MYO7B: variants seen among roughly 807,000 people sequenced by gnomAD.
MYO7B encodes the protein myosin VIIB.
MYO7B carries 212 observed loss-of-function variants against 259.7 expected under a neutral mutation model. The observed-to-expected ratio is 0.82, with a 90% CI of 0.73 to 0.91. MYO7B has a LOEUF of 0.91. Ranked by LOEUF, MYO7B falls within the 40% of genes least tolerant of loss-of-function variation. The probability of loss-of-function intolerance (pLI) is 0.00; values close to 1 mark genes in which losing one functional copy is unlikely to be tolerated. For missense variants in MYO7B, 2,732 were observed against 2,813.5 expected (o/e 0.97, Z 0.66); for synonymous variants, 1,197 against 1,166.4 (o/e 1.03, Z -0.54).
At chr2:127,552,609 T>C (rs1351764978) in intron 1 of MYO7B, among the ~76,000 whole-genome samples, 1 of 152,136 alleles carries the variant, frequency 6.6e-6, no homozygotes, top group Non-Finnish European at 1.5e-5. Context: ...ACATGGGGTC[T>C]CCTGTGAGGC....
chr2:127,567,091 G>T (rs2104876328), intron 5 of MYO7B, among the ~76,000 whole-genome samples: 1 of 152,258 alleles, frequency 6.6e-6, no homozygotes, highest in African/African-American at 2.4e-5. Flanking sequence ...GAAGGAAGTT[G>T]GGCTGGGTTC....
At chr2:127,622,221 TCTC>T in intron 28 of MYO7B, 120 bp downstream of exon 28, 1 of 1,349,994 alleles carries the variant, frequency 7.4e-7, no homozygotes, top group East Asian at 2.5e-5. Context: ...AGCCCCGCCA[TCTC>T]CTCTGCAGTA....
rs916086500 is a variant in MYO7B at position 127,624,085 on chromosome 2, G to A, written c.3820-8G>A. ...CCGCTAACCCCTGCTCCCCGACTCT[G>A]GCCTCAGTTCTGGTCCCTGGGCAGC... On this transcript the variant is annotated splice_polypyrimidine_tract_variant and splice_region_variant and intron_variant, in intron 29 of 47. Coordinates refer to ENST00000409816, the MANE Select transcript of MYO7B (RefSeq NM_001393586.1). 2 of 1,553,966 alleles carry A rather than the reference G, an allele frequency of 1.3e-6. No homozygotes were observed. Among genetic ancestry groups the A allele is most frequent in the Non-Finnish European group, 1.7e-6 (2 of 1,148,712 alleles).
At chr2:127,634,890 C>T in intron 42 of MYO7B, 2 of 648,100 alleles carry the variant, frequency 3.1e-6, no homozygotes, top group Admixed American at 5.2e-5. Context: ...TGAAGGATGC[C>T]CCAGGGCTGA....
intron 41 of MYO7B, 105 bp downstream of exon 41, chr2:127,634,394 C>A: frequency 2.0e-6 from 2 of 990,822 alleles, no homozygotes; most frequent in Non-Finnish European, 3.0e-6. Flanking sequence ...CCATGCTGGA[C>A]CAGGCTGCAC....
At position 127,630,825 on chromosome 2, in the gene MYO7B, G is replaced by A; in HGVS notation, c.4854G>A (p.Glu1618=). Residue 1618 remains glutamate, a synonymous_variant, in exon 36 of 48, where the codon GAG becomes GAA. Transcript: ENST00000409816. ...AGAAGAGGAAGCTGGCGGCTCAGGA[G>A]GGGCAGTTCACAGAGCCACGTCCTG... ...SPEKRKLAAQ[E]GQFTEPRPEE... 6.2e-7 allele frequency: 1 copy of A among 1,613,056 alleles called. No individual in the cohort carries two copies. The highest frequency in any genetic ancestry group is 1.1e-5 in the South Asian group (1 of 91,074).
At position 127,628,947 on chromosome 2, in the gene MYO7B, G is replaced by A. The variant is rs1681309221; in HGVS notation, c.4624+412G>A. Among the ~76,000 whole-genome samples, 2 of 152,244 alleles carry A rather than the reference G, an allele frequency of 1.3e-5. No homozygotes were observed. The highest frequency in any genetic ancestry group is 2.4e-5 in the African/African-American group (1 of 41,466). ...GAAGTAGCTCACCCAGGGTCACACA[G>A]CTCAAGGGGGTGGGAGCCTAGTTCT... On this transcript the variant is annotated intron_variant, in intron 34 of 47. Transcript: ENST00000409816. This position sits in a 1 kb window ranked among gnomAD's most constrained non-coding sequence, Gnocchi z 4.8.
In MYO7B at chr2:127,629,700, G is replaced by C; in HGVS notation, c.4680G>C (p.Lys1560Asn). Reference sequence around the variant, plus strand: ...GGGACCTGTTGGTCCTCACAAAGAAGCAGGGGCTGCTGGCCTCTGAGAACT... The same window carrying C: ...GGGACCTGTTGGTCCTCACAAAGAACCAGGGGCTGCTGGCCTCTGAGAACT... ...KKGDLLVLTK[K>N]QGLLASENWT... is the part of the protein sequence containing the mutation. Residue 1560 changes from lysine (K) to asparagine (N), a missense_variant, in exon 35 of 48, where the codon AAG (lysine) becomes AAC (asparagine). Transcript: ENST00000409816. The C allele has an allele frequency of 6.2e-7, 1 of 1,612,504 alleles. No homozygotes were observed. Among genetic ancestry groups the C allele is most frequent in the Non-Finnish European group, 8.5e-7 (1 of 1,179,512 alleles).
chr2:127,627,965 C>T lies in MYO7B; in HGVS notation c.4461-407C>T, dbSNP rs1417241749. 4.3e-6 allele frequency: 2 copies of T among 464,490 alleles called. No individual in the cohort carries two copies. The highest frequency in any genetic ancestry group is 1.5e-5 in the South Asian group (1 of 64,650). The allele number at this position is 464,490 out of a possible 1,614,324, so 28.8% of individuals were successfully genotyped here. The stretch of plus-strand genomic sequence containing the variant: ...ATGCTGGGCACTTTCCTGTATGCCA[C>T]GAAGTACCGACAGCATCACCCATTC... On this transcript the variant is annotated intron_variant, in intron 33 of 47. Transcript: ENST00000409816. This position sits in a 1 kb window ranked among gnomAD's most constrained non-coding sequence, Gnocchi z 5.6.
chr2:127,566,818 G>A lies in MYO7B; in HGVS notation c.461G>A (p.Cys154Tyr). 1 of 1,609,346 alleles carries A rather than the reference G, an allele frequency of 6.2e-7. No individual in the cohort carries two copies. The highest frequency in any genetic ancestry group is 8.5e-7 in the Non-Finnish European group (1 of 1,179,378). ...SMKRNKRDQCCIISGESGAGK... is the reference protein window; with the variant it reads ...SMKRNKRDQCYIISGESGAGK... ...AAGAGGAACAAGAGGGACCAGTGCT[G>A]CATCATCAGGTGAGGCAGAGGGGTC... Residue 154 changes from cysteine (C) to tyrosine (Y), a missense_variant, in exon 5 of 48, where the codon TGC becomes TAC. Around this residue, in one of 3 missense-constraint regions of MYO7B, gnomAD observed 1,906 missense variants for 2,026.4 expected, o/e 0.94. Transcript: ENST00000409816.
chr2:127,607,200 C>T lies in MYO7B; in HGVS notation c.2425-6C>T. Reference sequence around the variant, plus strand: ...CCCTGATCTCACCTCTCTCTTGCCTCCGCAGATCCTCGTGGGCTTTGAGCG... The same window carrying T: ...CCCTGATCTCACCTCTCTCTTGCCTTCGCAGATCCTCGTGGGCTTTGAGCG... On this transcript the variant is annotated splice_polypyrimidine_tract_variant and splice_region_variant and intron_variant, in intron 20 of 47. Transcript: ENST00000409816. The surrounding 1 kb of genome is among the most constrained non-coding windows in gnomAD (Gnocchi z 4.4). The T allele has an allele frequency of 5.2e-6, 8 of 1,546,144 alleles. No homozygotes were observed. The highest frequency in any genetic ancestry group is 6.1e-6 in the Non-Finnish European group (7 of 1,144,782).
chr2:127,633,496 T>G, intron 40 of MYO7B, 133 bp downstream of exon 40: 1 of 823,212 alleles, frequency 1.2e-6, no homozygotes, highest in Non-Finnish European at 1.9e-6. Context: ...CTAACCAGTC[T>G]CCCGCCCTCT....
rs546177764 is a variant in MYO7B, at chr2:127,577,406, C to T, written c.849+698C>T. Among the ~76,000 whole-genome samples the T allele has an allele frequency of 2.6e-5, 4 of 152,342 alleles. No homozygotes were observed. Among genetic ancestry groups the T allele is most frequent in the South Asian group, 4.1e-4 (2 of 4,828 alleles). ...CACTCTTCCTGTAGGAAGGTTTGCA[C>T]TGTAGTGTCATGCTTTGGATGGCAC... On this transcript the variant is annotated intron_variant, in intron 8 of 47. Transcript: ENST00000409816. The surrounding 1 kb of genome is among the most constrained non-coding windows in gnomAD (Gnocchi z 5.2).
In MYO7B at chr2:127,634,846, T is replaced by G. The variant is rs1681713051; in HGVS notation, c.5713+163T>G. 5.6e-6 allele frequency: 4 copies of G among 711,280 alleles called. No individual in the cohort carries two copies. The East Asian group carries it at 1.1e-4, about 19-fold the overall frequency. The allele number at this position is 711,280 out of a possible 1,614,324, so 44.1% of individuals were successfully genotyped here. ...CTGGGGCCCGGCGGTGAGGGCCAGCTCAGGCAGAAACAGGTGGCTGCACCT... is the reference window on the plus strand; with the variant it reads ...CTGGGGCCCGGCGGTGAGGGCCAGCGCAGGCAGAAACAGGTGGCTGCACCT... On this transcript the variant is annotated intron_variant, in intron 42 of 47. Transcript: ENST00000409816.
intron 10 of MYO7B, among the ~76,000 whole-genome samples, chr2:127,581,560 ACT>A (rs1484754847): frequency 3.9e-5 from 6 of 151,982 alleles, no homozygotes; most frequent in Non-Finnish European, 8.8e-5. Context: ...GCTCCTTTAG[ACT>A]CTCAGCCTTC....
intron 1 of MYO7B, among the ~76,000 whole-genome samples, chr2:127,541,714 G>A (rs1369483182): frequency 6.6e-6 from 1 of 152,196 alleles, no homozygotes; most frequent in Non-Finnish European, 1.5e-5. Context: ...AGGATAGGCA[G>A]GGTCTTTGCC....
intron 27 of MYO7B, among the ~76,000 whole-genome samples, chr2:127,621,651 T>C (rs888173288): frequency 1.1e-4 from 16 of 152,190 alleles, no homozygotes; most frequent in African/African-American, 3.9e-4. Flanking sequence ...CAGAAGGCAC[T>C]GGGGTTGGGG....
At chr2:127,580,570 T>A (rs200316003) in intron 9 of MYO7B, among the ~76,000 whole-genome samples, 176 bp from the exon 10 acceptor site, 1 of 152,318 alleles carries the variant, frequency 6.6e-6, no homozygotes, top group Non-Finnish European at 1.5e-5. Flanking sequence ...GAATGACCCA[T>A]GGTCATGGGG....
Position 127,625,401 on chromosome 2 carries a change from T to C in MYO7B, c.4081T>C (p.Cys1361Arg), listed in dbSNP as rs1681057245. ...EELVELLARHCYVQLGASAES... is the reference protein window; with the variant it reads ...EELVELLARHRYVQLGASAES... The stretch of plus-strand genomic sequence containing the variant: ...GCTGGTTGAGCTGCTGGCCCGGCAC[T>C]GCTACGTGCAGCTCGGCGCCTCAGC... Residue 1361 changes from cysteine (C) to arginine (R), a missense_variant, in exon 31 of 48, where the codon TGC becomes CGC. Transcript: ENST00000409816. The C allele has an allele frequency of 6.2e-7, 1 of 1,604,724 alleles. No homozygotes were observed. The highest frequency in any genetic ancestry group is 1.3e-5 in the African/African-American group (1 of 74,618).
Sources: allele counts gnomAD v4.1 joint callset (sites outside exome capture counted in the v4.1 genomes callset), GRCh38; gene constraint gnomAD v4.1.1; regional missense constraint gnomAD v4.1.1; non-coding constraint Gnocchi (gnomAD v3.1); transcripts MANE v1.5; gene names NCBI Gene and HGNC (gene_info 2026-07-23, HGNC 2026-07-21).